Variants in B2M observed in about 807,000 individuals in gnomAD.
B2M encodes beta chain of MHC class I molecules.
A neutral mutation model predicts 14.5 loss-of-function variants in B2M; 3 were observed. The observed-to-expected ratio is 0.21, with a 90% CI of 0.09 to 0.53. The LOEUF (loss-of-function observed/expected upper bound fraction) is 0.53, where lower values mean the gene tolerates loss of function less well. Ranked by LOEUF, B2M falls within the 20% of genes least tolerant of loss-of-function variation. The pLI, the probability that B2M is intolerant of heterozygous loss-of-function variation, is 0.95. For missense variants in B2M, 107 were observed against 140.8 expected (o/e 0.76, Z 1.21); for synonymous variants, 45 against 52.7 (o/e 0.85, Z 0.64).
intron 2 of B2M, chr15:44,716,068 A>G (rs913706815): frequency 1.6e-6 from 1 of 607,484 alleles, no homozygotes; most frequent in African/African-American, 1.9e-5. Context: ...TCAAGAAGGT[A>G]TAGGCCTTTG....
chr15:44,715,523 A>G lies in B2M; in HGVS notation c.168A>G (p.Glu56=), dbSNP rs1347307081. The change falls in exon 2 of 4, where the codon GAA becomes GAG. Residue 56 remains glutamate (E), a synonymous_variant. Transcript: ENST00000648006. ...YVSGFHPSDI[E]VDLLKNGERI... is the part of the protein sequence containing the mutation. ...CTGGGTTTCATCCATCCGACATTGA[A>G]GTTGACTTACTGAAGAATGGAGAGA... 6.2e-7 allele frequency: 1 copy of G among 1,614,074 alleles called. No individual in the cohort carries two copies. Among genetic ancestry groups the G allele is most frequent in the Admixed American group, 1.7e-5 (1 of 60,000 alleles).
chr15:44,716,453 T>C (rs1056912940), intron 3 of B2M, 97 bp downstream of exon 3: 404 of 1,265,396 alleles, frequency 3.2e-4, no homozygotes, highest in Non-Finnish European at 4.3e-4. Flanking sequence ...GTGGAGAACA[T>C]TGACAGAGTA....
rs2086874351 is a variant in B2M at position 44,711,883 on chromosome 15, A to G, written c.67+270A>G. Reference sequence around the variant, plus strand: ...CTACGGCGACGGGAGGGTCGGGACAAAGTTTAGGGCGTCGATAAGCGTCAG... The same window carrying G: ...CTACGGCGACGGGAGGGTCGGGACAGAGTTTAGGGCGTCGATAAGCGTCAG... On this transcript the variant is annotated intron_variant, in intron 1 of 3. Transcript: ENST00000648006. 5.1e-6 allele frequency: 3 copies of G among 593,412 alleles called. No individual in the cohort carries two copies. In the South Asian group the frequency reaches 5.8e-5, roughly 11 times the overall value. 36.8% of individuals were successfully genotyped at this position (593,412 alleles called of 1,614,324 possible).
chr15:44,716,275 T>G (rs2086940189), intron 2 of B2M, 54 bp from the exon 3 acceptor site: 2 of 1,572,120 alleles, frequency 1.3e-6, no homozygotes, highest in Non-Finnish European at 1.8e-6. Context: ...TACATGGTAT[T>G]TTAAAAGTAA....
In B2M at chr15:44,711,588, T is replaced by C. The variant is rs1341857550; in HGVS notation, c.42T>C (p.Ser14=). 5 of 1,613,884 alleles carry C rather than the reference T, an allele frequency of 3.1e-6. No homozygotes were observed. In the South Asian group the frequency reaches 5.5e-5, roughly 18 times the overall value. ...CCTTAGCTGTGCTCGCGCTACTCTC[T>C]CTTTCTGGCCTGGAGGCTATCCAGC... ...SVALAVLALL[S]LSGLEAIQRT... is the part of the protein sequence containing the mutation. The change falls in exon 1 of 4, where the codon TCT becomes TCC. Residue 14 remains serine, a synonymous_variant. Transcript: ENST00000648006.
chr15:44,711,971 G>T, intron 1 of B2M: 2 of 435,292 alleles, frequency 4.6e-6, no homozygotes, highest in East Asian at 4.8e-5. Flanking sequence ...CTCCCCCAGC[G>T]CAGCTGGAGT....
At chr15:44,711,953 G>A in intron 1 of B2M, 1 of 471,850 alleles carries the variant, frequency 2.1e-6, no homozygotes, top group South Asian at 2.1e-5. Context: ...CTTTCGCGGG[G>A]CCTCTGGCTC....
chr15:44,712,135 C>CT (rs2086881019), intron 1 of B2M: 1 of 264,598 alleles, frequency 3.8e-6, no homozygotes, highest in Non-Finnish European at 7.5e-6. Flanking sequence ...CGTCTAGGCG[C>CT]CCGCTAAGTT....
At chr15:44,716,271 G>C in intron 2 of B2M, 58 bp from the exon 3 acceptor site, 21 of 1,556,580 alleles carry the variant, frequency 1.3e-5, no homozygotes, top group Non-Finnish European at 1.8e-5. Flanking sequence ...TTAGTACATG[G>C]TATTTTAAAA....
rs749225997 is a variant in B2M, at chr15:44,711,530, A to C, written c.-17A>C. ...GCGCTGGCGGGCATTCCTGAAGCTGACAGCATTCGGGCCGAGATGTCTCGC... is the reference window on the plus strand; with the variant it reads ...GCGCTGGCGGGCATTCCTGAAGCTGCCAGCATTCGGGCCGAGATGTCTCGC... On this transcript the variant is annotated 5_prime_UTR_variant, in exon 1 of 4. Coordinates refer to ENST00000648006, the MANE Select transcript of B2M (RefSeq NM_004048.4). The C allele has an allele frequency of 3.1e-6, 5 of 1,613,340 alleles. No individual in the cohort carries two copies. The highest frequency in any genetic ancestry group is 4.2e-6 in the Non-Finnish European group (5 of 1,179,892).
intron 1 of B2M, chr15:44,711,946 T>C (rs1028863113): frequency 2.7e-5 from 13 of 478,718 alleles, no homozygotes; most frequent in Non-Finnish European, 3.9e-5. Flanking sequence ...TTCCGCTCTT[T>C]CGCGGGGCCT....
chr15:44,714,026 C>G (rs1417516272), intron 1 of B2M: 3 of 152,186 alleles, frequency 2.0e-5, no homozygotes, highest in African/African-American at 7.2e-5. Flanking sequence ...TTTAGTAGCA[C>G]TAACACTTCT....
chr15:44,712,368 C>G (rs980404758), intron 1 of B2M, among the ~76,000 whole-genome samples: 48 of 152,188 alleles, frequency 3.2e-4, no homozygotes, highest in African/African-American at 1.2e-3. Context: ...ATTTTGAAAA[C>G]AGTTATCTTC....
In B2M at chr15:44,716,074, CTTTG is replaced by C. The variant is rs2086937899; in HGVS notation, c.347-249_347-246del. 4.1e-5 allele frequency: 25 copies of C among 607,830 alleles called. No individual in the cohort carries two copies. The South Asian group carries it at 4.9e-4, about 12-fold the overall frequency. The allele number at this position is 607,830 out of a possible 1,614,324, so 37.7% of individuals were successfully genotyped here. A position where few individuals can be genotyped will look rare whatever the true frequency, so the allele number is the denominator to read the frequency against. On this transcript the variant is annotated intron_variant, in intron 2 of 3. Coordinates refer to ENST00000648006, the MANE Select transcript of B2M (RefSeq NM_004048.4). The stretch of plus-strand genomic sequence containing the variant: ...ACGAACATCTCAAGAAGGTATAGGC[CTTTG>C]TTTGTAAGTCCTGCTGTCCTAGCAT...
intron 1 of B2M, chr15:44,715,138 C>T (rs564444319): frequency 9.6e-5 from 47 of 491,152 alleles, no homozygotes; most frequent in East Asian, 5.9e-4. Flanking sequence ...AAAAATGCAG[C>T]GCAATCTCCA....
intron 1 of B2M, chr15:44,714,893 C>CTCGGTGGTCGCCGTATCATTAAAAAAA: frequency 1.5e-5 from 3 of 201,292 alleles, no homozygotes; most frequent in Non-Finnish European, 3.1e-5. Context: ...GGGTGTAGAT[C>CTCGGTGGTCGCCGTATCATTAAAAAAA]AAGGCAGGAG....
intron 3 of B2M, 72 bp from the exon 4 acceptor site, chr15:44,717,535 G>A (rs2086957590): frequency 6.6e-6 from 1 of 152,194 alleles, no homozygotes; most frequent in Non-Finnish European, 1.5e-5. Context: ...GTAGAAATTA[G>A]ACAAGTTTGG....
intron 1 of B2M, 56 bp downstream of exon 1, chr15:44,711,669 G>A (rs2141284914): frequency 6.4e-7 from 1 of 1,564,346 alleles, no homozygotes; most frequent in Non-Finnish European, 8.8e-7. Flanking sequence ...TGCACCCTCT[G>A]TGGCCCTCGC....
At position 44,715,537 on chromosome 15, in the gene B2M, A is replaced by G. The variant is rs11553049; in HGVS notation, c.182A>G (p.Lys61Arg). Residue 61 changes from lysine (K) to arginine (R), a missense_variant, in exon 2 of 4, where the codon AAG (lysine) becomes AGG (arginine). Coordinates refer to ENST00000648006, the MANE Select transcript of B2M (RefSeq NM_004048.4). ...TCCGACATTGAAGTTGACTTACTGAAGAATGGAGAGAGAATTGAAAAAGTG... is the reference window on the plus strand; with the variant it reads ...TCCGACATTGAAGTTGACTTACTGAGGAATGGAGAGAGAATTGAAAAAGTG... ...HPSDIEVDLL[K>R]NGERIEKVEH... The G allele has an allele frequency of 6.2e-7, 1 of 1,614,218 alleles. No individual in the cohort carries two copies. Among genetic ancestry groups the G allele is most frequent in the Admixed American group, 1.7e-5 (1 of 60,028 alleles).
Sources: gnomAD v4.1 joint callset for allele counts (sites outside exome capture counted in the v4.1 genomes callset) on GRCh38, gnomAD v4.1.1 for gene constraint, MANE v1.5 for transcripts, NCBI Gene and HGNC (gene_info 2026-07-23, HGNC 2026-07-21) for gene names.